Variants in EVL observed in about 807,000 individuals in gnomAD.
EVL encodes the protein ena/VASP-like protein.
Under a neutral mutation model 59.6 loss-of-function variants are expected in EVL, and 21 were observed. That is an observed-to-expected ratio of 0.35 (90% CI 0.25 to 0.51). The LOEUF is 0.51. Ranked by LOEUF, EVL falls within the 20% of genes least tolerant of loss-of-function variation. The probability of loss-of-function intolerance (pLI) is 0.97; values close to 1 mark genes in which losing one functional copy is unlikely to be tolerated. For missense variants in EVL, 462 were observed against 546.6 expected, an observed-to-expected ratio of 0.85 and a Z score of 1.54; for synonymous variants, 198 against 203.5, an observed-to-expected ratio of 0.97 and a Z score of 0.23.
At chr14:100,032,659 A>C (rs1010136293) in intron 1 of EVL, among the ~76,000 whole-genome samples, 3 of 152,016 alleles carry the variant, frequency 2.0e-5, no homozygotes, top group African/African-American at 7.2e-5. Context: ...CCCATTTCCA[A>C]ACCTTTTTTT....
At chr14:100,131,797 C>A (rs1888452428) in intron 7 of EVL, among the ~76,000 whole-genome samples, 1 of 152,144 alleles carries the variant, frequency 6.6e-6, no homozygotes, top group Non-Finnish European at 1.5e-5. Flanking sequence ...ACTGACCAGG[C>A]TGACAGTTAT....
intron 1 of EVL, among the ~76,000 whole-genome samples, chr14:100,073,481 G>A (rs569454027): frequency 5.3e-5 from 8 of 151,920 alleles, no homozygotes; most frequent in East Asian, 1.9e-4. Context: ...ACCACCATGC[G>A]TGGCTAACAC....
At chr14:100,141,893 C>G in intron 13 of EVL, 100 bp downstream of exon 13, 1 of 989,860 alleles carries the variant, frequency 1.0e-6, no homozygotes, top group Non-Finnish European at 1.5e-6. Context: ...AGCTGGAGCC[C>G]ATACTGCACT....
chr14:100,115,088 A>G (rs1458240411), intron 3 of EVL, among the ~76,000 whole-genome samples: 1 of 152,024 alleles, frequency 6.6e-6, no homozygotes, highest in Non-Finnish European at 1.5e-5. Context: ...ACCATTAAGC[A>G]TTAAGATGTG....
At chr14:100,068,010 G>A (rs1236309487) in intron 1 of EVL, among the ~76,000 whole-genome samples, 1 of 152,136 alleles carries the variant, frequency 6.6e-6, no homozygotes, top group East Asian at 1.9e-4. Context: ...GGCTGCTCTG[G>A]GTGCTAGGGA....
At chr14:100,046,833 A>G (rs1362761121) in intron 1 of EVL, among the ~76,000 whole-genome samples, 23 of 148,628 alleles carry the variant, frequency 1.5e-4, no homozygotes, top group African/African-American at 5.2e-4. Context: ...GCTCACTGCA[A>G]CCTCCGCCTC....
intron 1 of EVL, among the ~76,000 whole-genome samples, chr14:100,050,067 G>A (rs2061621904): frequency 6.6e-6 from 1 of 152,112 alleles, no homozygotes. Flanking sequence ...AGGGGACACA[G>A]ATATAAAGGA....
chr14:100,118,909 A>G lies in EVL; in HGVS notation c.359-4630A>G, dbSNP rs577420805. ...GAAAGTGGGCCTCCAAGACAGCAAG[A>G]AGTCAGCTCCTTCCCAAGAATCATC... is the stretch of plus-strand genomic sequence containing the variant. On this transcript the variant is annotated intron_variant, in intron 3 of 13. Transcript: ENST00000392920. Among the ~76,000 whole-genome samples the G allele has an allele frequency of 1.6e-4, 25 of 152,322 alleles. No homozygotes were observed. The South Asian group carries it at 4.3e-3, about 26-fold the overall frequency.
intron 1 of EVL, among the ~76,000 whole-genome samples, chr14:100,004,580 T>A (rs939638159): frequency 3.9e-5 from 6 of 152,170 alleles, no homozygotes; most frequent in African/African-American, 7.2e-5. Flanking sequence ...AATCCTCTTA[T>A]TGTGACTTAC....
intron 3 of EVL, among the ~76,000 whole-genome samples, chr14:100,112,212 A>G (rs1887041564): frequency 2.0e-5 from 3 of 152,184 alleles, no homozygotes; most frequent in Non-Finnish European, 4.4e-5. Flanking sequence ...CAACTGCTGA[A>G]CTTGAGATAC....
Position 100,127,865 on chromosome 14 carries a change from G to A in EVL, c.488-654G>A, listed in dbSNP as rs61984554. 0.1 allele frequency among the ~76,000 whole-genome samples: 15,901 copies of A among 152,266 alleles called. 1,250 individuals are homozygous for A. The highest frequency in any genetic ancestry group is 0.21 in the African/African-American group (8,669 of 41,526). ...GTCCTCCATCTGCGTTTACCTCTGC[G>A]ATTCGTTGACTGTTCCTCATAGGCT... On this transcript the variant is annotated intron_variant, in intron 5 of 13. Transcript: ENST00000392920. This position sits in a 1 kb window ranked among gnomAD's most constrained non-coding sequence, Gnocchi z 4.2.
chr14:100,136,009 T>G lies in EVL; in HGVS notation c.964+41T>G, dbSNP rs370700885. 3.7e-6 allele frequency: 6 copies of G among 1,607,016 alleles called. No homozygotes were observed. The African/African-American group carries it at 8.0e-5, about 22-fold the overall frequency. ...CCGCTGACCCCAGTGAGGCATGAGG[T>G]CTCAGAGTGGGAGGGGGGACCCTTC... On this transcript the variant is annotated intron_variant, in intron 9 of 13. Coordinates refer to ENST00000392920, the MANE Select transcript of EVL (RefSeq NM_016337.3).
intron 8 of EVL, among the ~76,000 whole-genome samples, chr14:100,133,773 A>G (rs1162609705): frequency 6.6e-6 from 1 of 152,180 alleles, no homozygotes; most frequent in Non-Finnish European, 1.5e-5. Context: ...CGTCATCTCT[A>G]CTAAAAATAC....
chr14:99,972,791 G>C lies in EVL; in HGVS notation c.5+734G>C, dbSNP rs910455933. On this transcript the variant is annotated intron_variant, in intron 1 of 13. Transcript: ENST00000402714. This position sits in a 1 kb window ranked among gnomAD's most constrained non-coding sequence, Gnocchi z 4.4. ...CTCCAGATCCTGTCGTGACTTTTTT[G>C]GGGTAATCACTTTTTTTTTTTCCAT... Among the ~76,000 whole-genome samples the C allele has an allele frequency of 6.6e-6, 1 of 151,592 alleles. No individual in the cohort carries two copies. The highest frequency in any genetic ancestry group is 2.4e-5 in the African/African-American group (1 of 41,158).
intron 11 of EVL, chr14:100,138,950 C>T (rs143291685): frequency 5.9e-4 from 90 of 152,948 alleles, no homozygotes; most frequent in African/African-American, 2.1e-3. Flanking sequence ...CCCCGCACCT[C>T]CACCTGGAAG....
At chr14:100,059,473 T>TA (rs1439544153) in intron 1 of EVL, among the ~76,000 whole-genome samples, 5 of 152,210 alleles carry the variant, frequency 3.3e-5, no homozygotes, top group African/African-American at 1.2e-4. Flanking sequence ...GAGTTCTGTG[T>TA]AAGGATTCTA....
intron 1 of EVL, among the ~76,000 whole-genome samples, chr14:99,994,560 C>G (rs762888211): frequency 3.3e-5 from 5 of 152,168 alleles, no homozygotes; most frequent in Non-Finnish European, 7.4e-5. Context: ...CTTTACATCC[C>G]TGTCCACCCC....
chr14:99,981,790 G>A (rs1167633514), intron 1 of EVL, among the ~76,000 whole-genome samples: 2 of 152,120 alleles, frequency 1.3e-5, no homozygotes, highest in Non-Finnish European at 2.9e-5. Flanking sequence ...GTGAGCATAG[G>A]GTATTGGAAA....
intron 2 of EVL, among the ~76,000 whole-genome samples, chr14:100,090,910 G>T (rs2062549813): frequency 6.6e-6 from 1 of 152,170 alleles, no homozygotes; most frequent in Admixed American, 6.5e-5. Context: ...TGGAAAGGAA[G>T]AAGCAAAACC....
Sources: gnomAD v4.1 joint callset for allele counts (sites outside exome capture counted in the v4.1 genomes callset) on GRCh38, gnomAD v4.1.1 for gene constraint, Gnocchi (gnomAD v3.1) non-coding constraint, MANE v1.5 for transcripts, NCBI Gene and HGNC (gene_info 2026-07-23, HGNC 2026-07-21) for gene names.